Variants in EPC2 observed in about 807,000 individuals in gnomAD.
EPC2 encodes enhancer of polycomb 2.
A neutral mutation model predicts 92.1 loss-of-function variants in EPC2; 14 were observed. The observed-to-expected ratio is 0.15, with a 90% CI of 0.10 to 0.24. The LOEUF (loss-of-function observed/expected upper bound fraction) is 0.24, where lower values mean the gene tolerates loss of function less well. EPC2 is among the 10% of genes least tolerant of loss of function. The probability of loss-of-function intolerance (pLI) is 1.00; values close to 1 mark genes in which losing one functional copy is unlikely to be tolerated. For missense variants in EPC2, 755 were observed against 971.5 expected (o/e 0.78, Z 2.96); for synonymous variants, 340 against 334.7 (o/e 1.02, Z -0.17).
At chr2:148,664,055 C>G (rs1035690014) in intron 1 of EPC2, among the ~76,000 whole-genome samples, 1 of 152,122 alleles carries the variant, frequency 6.6e-6, no homozygotes, top group Non-Finnish European at 1.5e-5. Context: ...GAGTCACCTA[C>G]TACCCAATTC....
chr2:148,738,661 T>G (rs1019302519), intron 2 of EPC2, among the ~76,000 whole-genome samples: 4 of 152,166 alleles, frequency 2.6e-5, no homozygotes, highest in African/African-American at 9.7e-5. Flanking sequence ...AGACTGAGTA[T>G]AGAAAATAGA....
chr2:148,722,534 G>T (rs1682400839), intron 2 of EPC2, among the ~76,000 whole-genome samples: 1 of 152,234 alleles, frequency 6.6e-6, no homozygotes, highest in South Asian at 2.1e-4. Context: ...ACAGATGCTG[G>T]TGAGGTTGCA....
chr2:148,741,222 G>C (rs1392381094), intron 2 of EPC2, among the ~76,000 whole-genome samples: 1 of 152,026 alleles, frequency 6.6e-6, no homozygotes, highest in Non-Finnish European at 1.5e-5. Context: ...TTAGAATGTG[G>C]GACTCATTGA....
chr2:148,694,787 C>T (rs1178260273), intron 2 of EPC2, among the ~76,000 whole-genome samples: 4 of 152,158 alleles, frequency 2.6e-5, no homozygotes, highest in Non-Finnish European at 2.9e-5. Context: ...ACCCTGGTGA[C>T]GGAATCTTGC....
intron 7 of EPC2, among the ~76,000 whole-genome samples, chr2:148,766,946 A>G (rs1683421560): frequency 6.6e-6 from 1 of 152,062 alleles, no homozygotes; most frequent in Non-Finnish European, 1.5e-5. Flanking sequence ...CACTTTGGGA[A>G]GCCGAAGCAG....
intron 3 of EPC2, among the ~76,000 whole-genome samples, chr2:148,753,596 T>C (rs1438546541): frequency 6.6e-6 from 1 of 152,086 alleles, no homozygotes; most frequent in South Asian, 2.1e-4. Context: ...GTGTATAATA[T>C]CAGAGTTTTG....
At chr2:148,730,307 G>T (rs1474751673) in intron 2 of EPC2, among the ~76,000 whole-genome samples, 2 of 152,196 alleles carry the variant, frequency 1.3e-5, no homozygotes, top group Non-Finnish European at 2.9e-5. Flanking sequence ...TGCTTGGGTT[G>T]CTTCTGAACT....
chr2:148,770,779 T>C lies in EPC2; in HGVS notation c.1231-13T>C, dbSNP rs1344155483. On this transcript the variant is annotated splice_polypyrimidine_tract_variant and intron_variant, in intron 8 of 13. Transcript: ENST00000258484. ...CATGAGTTTTTTGTTTTTTGTTTTT[T>C]CTTTCTTTGCAGCCTCGTTTGGACC... The C allele has an allele frequency of 1.2e-5, 19 of 1,590,186 alleles. No homozygotes were observed. The highest frequency in any genetic ancestry group is 1.6e-5 in the Non-Finnish European group (19 of 1,173,740).
chr2:148,776,508 T>C (rs989682025), intron 10 of EPC2, among the ~76,000 whole-genome samples: 2 of 152,172 alleles, frequency 1.3e-5, no homozygotes, highest in African/African-American at 4.8e-5. Flanking sequence ...TTGTAAGATG[T>C]ATATAGTCCT....
At chr2:148,705,409 TC>T (rs1209114169) in intron 2 of EPC2, among the ~76,000 whole-genome samples, 1 of 152,170 alleles carries the variant, frequency 6.6e-6, no homozygotes, top group East Asian at 1.9e-4. Context: ...GGTCTGCACC[TC>T]CCAGCGTGAT....
At chr2:148,706,507 A>G (rs554277902) in intron 2 of EPC2, among the ~76,000 whole-genome samples, 2 of 152,190 alleles carry the variant, frequency 1.3e-5, no homozygotes, top group Non-Finnish European at 2.9e-5. Flanking sequence ...CACCACAAAG[A>G]TACTCATCGA....
intron 10 of EPC2, among the ~76,000 whole-genome samples, chr2:148,772,470 G>A (rs562507695): frequency 1.8e-4 from 27 of 152,212 alleles, no homozygotes; most frequent in Non-Finnish European, 3.2e-4. Context: ...TCTTTAAAGT[G>A]ATCATAAATC....
intron 1 of EPC2, among the ~76,000 whole-genome samples, chr2:148,665,035 A>G (rs1244242152): frequency 6.6e-6 from 1 of 152,210 alleles, no homozygotes; most frequent in Admixed American, 6.5e-5. Flanking sequence ...CCATAAAGAT[A>G]CTTTGAGACA....
At chr2:148,693,463 A>T (rs566611041) in intron 2 of EPC2, among the ~76,000 whole-genome samples, 1 of 152,228 alleles carries the variant, frequency 6.6e-6, no homozygotes, top group African/African-American at 2.4e-5. Flanking sequence ...AATTTTTAAC[A>T]TCTTTGTGTG....
intron 1 of EPC2, among the ~76,000 whole-genome samples, chr2:148,683,472 T>C (rs1486966889): frequency 6.6e-6 from 1 of 152,086 alleles, no homozygotes; most frequent in African/African-American, 2.4e-5. Context: ...TTCACCATGT[T>C]AGCCAGGATT....
At chr2:148,699,388 G>A (rs1681830356) in intron 2 of EPC2, among the ~76,000 whole-genome samples, 1 of 152,160 alleles carries the variant, frequency 6.6e-6, no homozygotes, top group Admixed American at 6.5e-5. Flanking sequence ...CATGATTACA[G>A]TATCCTACAG....
intron 1 of EPC2, among the ~76,000 whole-genome samples, chr2:148,648,572 C>G (rs926256784): frequency 2.6e-5 from 4 of 152,182 alleles, no homozygotes; most frequent in African/African-American, 9.7e-5. Flanking sequence ...CTGGGTGTCT[C>G]TGAACTGTGC....
chr2:148,740,302 T>C (rs1319228322), intron 2 of EPC2, among the ~76,000 whole-genome samples: 1 of 151,878 alleles, frequency 6.6e-6, no homozygotes, highest in Non-Finnish European at 1.5e-5. Flanking sequence ...TTTTAAAGAA[T>C]TTTTACCTCT....
chr2:148,746,144 C>A (rs1162230602), intron 3 of EPC2, among the ~76,000 whole-genome samples: 1 of 151,892 alleles, frequency 6.6e-6, no homozygotes, highest in Non-Finnish European at 1.5e-5. Context: ...TCTTGGTTTT[C>A]TTATCCTACA....
Sources: allele counts gnomAD v4.1 joint callset (sites outside exome capture counted in the v4.1 genomes callset), GRCh38; gene constraint gnomAD v4.1.1; transcripts MANE v1.5; gene names NCBI Gene and HGNC (gene_info 2026-07-23, HGNC 2026-07-21).